SPATA17: variants seen among roughly 807,000 people sequenced by gnomAD.
The protein encoded by SPATA17 is spermatogenesis associated 17.
Under a neutral mutation model 62.2 loss-of-function variants are expected in SPATA17, and 53 were observed. The observed-to-expected ratio is 0.85, with a 90% confidence interval of 0.68 to 1.07. The LOEUF (loss-of-function observed/expected upper bound fraction) is 1.07, where lower values mean the gene tolerates loss of function less well. Among genes scored for constraint, SPATA17 ranks in the 50% least tolerant of loss-of-function variants. SPATA17 has a pLI of 0.00. For synonymous variants in SPATA17, 146 were observed against 146.8 expected (o/e 0.99, Z 0.04); for missense variants, 466 against 425.5 (o/e 1.10, Z -0.84).
intron 8 of SPATA17, among the ~76,000 whole-genome samples, chr1:217,795,045 T>C (rs562159354): frequency 3.9e-5 from 6 of 152,328 alleles, no homozygotes; most frequent in African/African-American, 1.2e-4. Context: ...TATTTTCTTT[T>C]GTTGTTCTTA....
chr1:217,633,197 C>CAAAT lies in SPATA17; in HGVS notation c.68+1786_68+1789dup, dbSNP rs139113077. 7.7e-3 allele frequency among the ~76,000 whole-genome samples: 1,123 copies of CAAAT among 145,822 alleles called. 13 individuals are homozygous for CAAAT. Among genetic ancestry groups the CAAAT allele is most frequent in the African/African-American group, 0.021 (848 of 39,516 alleles). On this transcript the variant is annotated intron_variant, in intron 1 of 10. Coordinates refer to ENST00000366933, the MANE Select transcript of SPATA17 (RefSeq NM_138796.4). ...TGGGCGACAGAGCAAGACTCTGTCT[C>CAAAT]AAATAAATAAATAAATAAATAAATA...
At chr1:217,648,368 C>T (rs568105318) in intron 1 of SPATA17, among the ~76,000 whole-genome samples, 6 of 152,228 alleles carry the variant, frequency 3.9e-5, no homozygotes, top group Admixed American at 6.5e-5. Flanking sequence ...ATGGCCCTCC[C>T]CTTGCCTCCT....
chr1:217,865,841 GCTGT>G (rs1193132050), intron 10 of SPATA17, among the ~76,000 whole-genome samples: 1 of 152,144 alleles, frequency 6.6e-6, no homozygotes, highest in African/African-American at 2.4e-5. Flanking sequence ...TTTGGTCCAG[GCTGT>G]CTGTCTGCTA....
At chr1:217,853,777 A>T (rs968784401) in intron 9 of SPATA17, among the ~76,000 whole-genome samples, 1 of 152,066 alleles carries the variant, frequency 6.6e-6, no homozygotes, top group Non-Finnish European at 1.5e-5. Context: ...ATATATTTTG[A>T]CTCATTAGCA....
chr1:217,819,806 G>A (rs1674815739), intron 9 of SPATA17, among the ~76,000 whole-genome samples: 1 of 151,934 alleles, frequency 6.6e-6, no homozygotes, highest in Non-Finnish European at 1.5e-5. Flanking sequence ...TATGATGTAT[G>A]GAGAGATTTG....
chr1:217,849,664 G>T (rs1007742147), intron 9 of SPATA17, among the ~76,000 whole-genome samples: 2 of 152,080 alleles, frequency 1.3e-5, no homozygotes, highest in African/African-American at 4.8e-5. Context: ...TCAGTATAGT[G>T]TCATACTTTG....
intron 9 of SPATA17, among the ~76,000 whole-genome samples, chr1:217,833,965 A>G (rs1380506077): frequency 6.6e-6 from 1 of 152,196 alleles, no homozygotes; most frequent in Non-Finnish European, 1.5e-5. Context: ...TGTAGTGTCA[A>G]ATGGAATTAG....
intron 8 of SPATA17, among the ~76,000 whole-genome samples, chr1:217,787,663 G>A (rs1193165755): frequency 1.3e-5 from 2 of 151,962 alleles, no homozygotes; most frequent in Non-Finnish European, 2.9e-5. Context: ...GTTTTCCAGG[G>A]GTATCTATTG....
At chr1:217,862,906 T>C (rs757691419) in intron 10 of SPATA17, 50 bp downstream of exon 10, 41 of 1,227,612 alleles carry the variant, frequency 3.3e-5, no homozygotes, top group Non-Finnish European at 4.1e-5. Context: ...AAATAACACT[T>C]AAAAAATCAA....
intron 1 of SPATA17, among the ~76,000 whole-genome samples, chr1:217,638,779 AG>A (rs1669993994): frequency 6.6e-6 from 1 of 152,174 alleles, no homozygotes; most frequent in South Asian, 2.1e-4. Context: ...ATAAAACTAG[AG>A]GAAAAAAATA....
At chr1:217,866,274 G>A (rs1241531967) in intron 10 of SPATA17, among the ~76,000 whole-genome samples, 2 of 152,058 alleles carry the variant, frequency 1.3e-5, no homozygotes, top group African/African-American at 4.8e-5. Context: ...AAGAATAAAG[G>A]TATCTTCAGC....
At chr1:217,718,091 C>A (rs1233637427) in intron 5 of SPATA17, among the ~76,000 whole-genome samples, 1 of 152,082 alleles carries the variant, frequency 6.6e-6, no homozygotes, top group Non-Finnish European at 1.5e-5. Context: ...AATGGCTGAG[C>A]AATTCAAAAC....
chr1:217,652,527 C>A (rs1189980385), intron 3 of SPATA17, among the ~76,000 whole-genome samples: 1 of 152,104 alleles, frequency 6.6e-6, no homozygotes, highest in African/African-American at 2.4e-5. Flanking sequence ...AGCCACCACG[C>A]CCGGCCAAAC....
At chr1:217,856,490 A>G (rs1341285478) in intron 9 of SPATA17, among the ~76,000 whole-genome samples, 1 of 152,230 alleles carries the variant, frequency 6.6e-6, no homozygotes, top group Non-Finnish European at 1.5e-5. Context: ...AAGTTTTCAC[A>G]TGACCCCTGT....
intron 10 of SPATA17, among the ~76,000 whole-genome samples, chr1:217,864,952 T>A (rs577656034): frequency 6.6e-6 from 1 of 151,736 alleles, no homozygotes; most frequent in Non-Finnish European, 1.5e-5. Flanking sequence ...TATGTTATGG[T>A]TTTTTTTAAT....
At chr1:217,819,430 T>C (rs1308354358) in intron 9 of SPATA17, among the ~76,000 whole-genome samples, 2 of 151,954 alleles carry the variant, frequency 1.3e-5, no homozygotes, top group Non-Finnish European at 2.9e-5. Flanking sequence ...TCTCTCTCTA[T>C]CTCTCTCTTC....
chr1:217,737,092 T>A (rs1672526711), intron 5 of SPATA17, among the ~76,000 whole-genome samples: 1 of 152,228 alleles, frequency 6.6e-6, no homozygotes, highest in African/African-American at 2.4e-5. Context: ...AGTATAGTAT[T>A]GTGGTTAAAG....
rs1310007203 is a variant in SPATA17, at chr1:217,744,202, C to T, written c.519+2104C>T. Among the ~76,000 whole-genome samples, 2 of 47,312 alleles carry T rather than the reference C, an allele frequency of 4.2e-5. 1 individual carries two copies. The highest frequency in any genetic ancestry group is 9.7e-5 in the African/African-American group (2 of 20,620). 31.0% of individuals were successfully genotyped at this position (47,312 alleles called of 152,430 possible). ...TTTCGGCCGGGCGCGGTGGCTCACGCCTGTAATCCCAGCACTTTGGGAGGC... is the reference window on the plus strand; with the variant it reads ...TTTCGGCCGGGCGCGGTGGCTCACGTCTGTAATCCCAGCACTTTGGGAGGC... On this transcript the variant is annotated intron_variant, in intron 6 of 10. Transcript: ENST00000366933.
chr1:217,653,281 G>C (rs1004577179), intron 3 of SPATA17, among the ~76,000 whole-genome samples: 21 of 152,142 alleles, frequency 1.4e-4, no homozygotes, highest in Non-Finnish European at 4.4e-5. Flanking sequence ...GAAACACAAA[G>C]ACAGATGTCT....
Sources: allele counts gnomAD v4.1 joint callset (sites outside exome capture counted in the v4.1 genomes callset), GRCh38; gene constraint gnomAD v4.1.1; transcripts MANE v1.5; gene names NCBI Gene and HGNC (gene_info 2026-07-23, HGNC 2026-07-21).